The following IYD variants were observed in gnomAD, a reference collection of about 807,000 sequenced individuals.
The protein encoded by IYD is iodotyrosine deiodinase.
In IYD, 25 loss-of-function variants were observed where a neutral mutation model predicts 28.4. The observed-to-expected ratio is 0.88, with a 90% CI of 0.64 to 1.23. IYD has a LOEUF of 1.23. Among genes scored for constraint, IYD ranks in the 50% most tolerant of loss-of-function variants. IYD has a pLI of 0.00. For missense variants in IYD, 352 were observed against 357.9 expected (o/e 0.98, Z 0.13); for synonymous variants, 140 against 130.8 (o/e 1.07, Z -0.48).
chr6:150,393,989 T>C, intron 3 of IYD, 110 bp from the exon 4 acceptor site: 1 of 1,117,080 alleles, frequency 9.0e-7, no homozygotes, highest in Non-Finnish European at 1.3e-6. Context: ...TCAATTTAAA[T>C]ATAAAAGATG....
intron 1 of IYD, among the ~76,000 whole-genome samples, chr6:150,380,802 AG>A (rs1328585691): frequency 6.6e-6 from 1 of 152,158 alleles, no homozygotes; most frequent in East Asian, 1.9e-4. Context: ...ACAGCATGTT[AG>A]CATTTGGGGC....
intron 4 of IYD, among the ~76,000 whole-genome samples, chr6:150,395,137 C>T (rs1194672906): frequency 2.0e-5 from 3 of 152,154 alleles, no homozygotes; most frequent in East Asian, 1.9e-4. Context: ...GCTCCTTCTA[C>T]GTGGCAGTTC....
At chr6:150,394,000 A>G in intron 3 of IYD, 99 bp from the exon 4 acceptor site, 10 of 1,191,202 alleles carry the variant, frequency 8.4e-6, no homozygotes, top group Non-Finnish European at 1.2e-5. Context: ...ATAAAAGATG[A>G]GTAAATATGT....
intron 1 of IYD, among the ~76,000 whole-genome samples, chr6:150,388,923 A>G (rs1436447304): frequency 6.6e-5 from 10 of 152,060 alleles, no homozygotes; most frequent in Non-Finnish European, 1.2e-4. Flanking sequence ...GCTGGTCTCG[A>G]ACTCCCAACC....
intron 1 of IYD, among the ~76,000 whole-genome samples, chr6:150,374,434 C>T (rs1445561934): frequency 6.6e-6 from 1 of 152,108 alleles, no homozygotes; most frequent in Admixed American, 6.5e-5. Context: ...ACCTGAGACT[C>T]AGTAATTTAT....
intron 1 of IYD, among the ~76,000 whole-genome samples, chr6:150,374,354 C>T (rs144552692): frequency 6.4e-4 from 97 of 152,232 alleles, no homozygotes; most frequent in African/African-American, 2.3e-3. Flanking sequence ...TATGGTCTAA[C>T]GTGGTCTAAT....
intron 1 of IYD, among the ~76,000 whole-genome samples, chr6:150,381,983 C>A (rs117754877): frequency 6.6e-6 from 1 of 152,152 alleles, no homozygotes; most frequent in African/African-American, 2.4e-5. Flanking sequence ...ATTTTTCTGG[C>A]GTGTGCAAGC....
chr6:150,369,030 C>T lies in IYD; in HGVS notation c.-2C>T, dbSNP rs1777122828. On this transcript the variant is annotated 5_prime_UTR_variant, in exon 1 of 5. Transcript: ENST00000344419. ...CACGCCTGTGACGTCAGACTCCAGA[C>T]CATGTATTTCCTGACTCCCATCTTG... 6.2e-7 allele frequency: 1 copy of T among 1,613,916 alleles called. No homozygotes were observed. Among genetic ancestry groups the T allele is most frequent in the Non-Finnish European group, 8.5e-7 (1 of 1,179,932 alleles).
chr6:150,377,586 G>A (rs1777496848), intron 1 of IYD, among the ~76,000 whole-genome samples: 1 of 152,202 alleles, frequency 6.6e-6, no homozygotes, highest in East Asian at 1.9e-4. Context: ...CACTGATAAT[G>A]AGGTAACAGT....
intron 1 of IYD, among the ~76,000 whole-genome samples, chr6:150,371,312 A>G (rs899104817): frequency 1.3e-5 from 2 of 152,252 alleles, no homozygotes; most frequent in African/African-American, 4.8e-5. Context: ...TGAGGCCCCA[A>G]TAGGGTAAGC....
rs577071632 is a variant in IYD, at chr6:150,401,493, C to T, written c.*3256C>T. 1 of 152,292 alleles carries T rather than the reference C, an allele frequency of 6.6e-6. No homozygotes were observed. Among genetic ancestry groups the T allele is most frequent in the Non-Finnish European group, 1.5e-5 (1 of 68,124 alleles). The allele number at this position is 152,292 out of a possible 1,614,324, so 9.4% of individuals were successfully genotyped here. A position where few individuals can be genotyped will look rare whatever the true frequency, so the allele number is the denominator to read the frequency against. ...GGACCAGAAACACCAGACACTTCTT[C>T]TGCCCCAAGCACACCCCACACTAAT... On this transcript the variant is annotated 3_prime_UTR_variant, in exon 5 of 5. Coordinates refer to ENST00000344419, the MANE Select transcript of IYD (RefSeq NM_203395.3).
At chr6:150,390,336 TTATCTG>T (rs1271492807) in intron 2 of IYD, among the ~76,000 whole-genome samples, 1 of 152,260 alleles carries the variant, frequency 6.6e-6, no homozygotes, top group Non-Finnish European at 1.5e-5. Flanking sequence ...AATTTAGCCT[TTATCTG>T]TATCTGTATT....
At position 150,404,093 on chromosome 6, in the gene IYD, T is replaced by A. The variant is rs1778583152; in HGVS notation, c.*5856T>A. On this transcript the variant is annotated 3_prime_UTR_variant, in exon 5 of 5. Coordinates refer to ENST00000344419, the MANE Select transcript of IYD (RefSeq NM_203395.3). Reference sequence around the variant, plus strand: ...GTCTCCCAGCGCTGGAGTACTGTCTTATGACCAGAGATCCTAAGCAACCTC... The same window carrying A: ...GTCTCCCAGCGCTGGAGTACTGTCTAATGACCAGAGATCCTAAGCAACCTC... 6.6e-6 allele frequency: 1 copy of A among 152,226 alleles called. No homozygotes were observed. Among genetic ancestry groups the A allele is most frequent in the Admixed American group, 6.5e-5 (1 of 15,282 alleles). The allele number at this position is 152,226 out of a possible 1,614,324, so 9.4% of individuals were successfully genotyped here.
At chr6:150,371,653 G>A (rs1777245757) in intron 1 of IYD, among the ~76,000 whole-genome samples, 1 of 152,278 alleles carries the variant, frequency 6.6e-6, no homozygotes, top group Non-Finnish European at 1.5e-5. Context: ...TTCATTCTCT[G>A]TTCCCTGCCA....
rs530206053 is a variant in IYD, at chr6:150,401,742, C to T, written c.*3505C>T. 4.8e-4 allele frequency: 73 copies of T among 152,118 alleles called. No homozygotes were observed. Among genetic ancestry groups the T allele is most frequent in the Middle Eastern group, 3.4e-3 (1 of 296 alleles). 9.4% of individuals were successfully genotyped at this position (152,118 alleles called of 1,614,324 possible). A position where few individuals can be genotyped will look rare whatever the true frequency, so the allele number is the denominator to read the frequency against. On this transcript the variant is annotated 3_prime_UTR_variant, in exon 5 of 5. Coordinates refer to ENST00000344419, the MANE Select transcript of IYD (RefSeq NM_203395.3). Reference sequence around the variant, plus strand: ...CTCTTGCTGTTCTGAGGCCTTAAAACCAAAAAAATAATGGAATGATTGCAT... The same window carrying T: ...CTCTTGCTGTTCTGAGGCCTTAAAATCAAAAAAATAATGGAATGATTGCAT...
rs915301572 is a variant in IYD, at chr6:150,400,657, G to C, written c.*2420G>C. 6 of 152,218 alleles carry C rather than the reference G, an allele frequency of 3.9e-5. No individual in the cohort carries two copies. The highest frequency in any genetic ancestry group is 1.4e-4 in the African/African-American group (6 of 41,452). The allele number at this position is 152,218 out of a possible 1,614,324, so 9.4% of individuals were successfully genotyped here. ...GGAAGAATAAGAGGGGGACTGTCTT[G>C]TCCTTGCTACTCAAAGAGTGGTCCT... On this transcript the variant is annotated 3_prime_UTR_variant, in exon 5 of 5. Transcript: ENST00000344419.
rs915058875 is a variant in IYD at position 150,400,888 on chromosome 6, G to A, written c.*2651G>A. 2.0e-5 allele frequency: 3 copies of A among 152,196 alleles called. No homozygotes were observed. The highest frequency in any genetic ancestry group is 4.4e-5 in the Non-Finnish European group (3 of 68,042). The allele number at this position is 152,196 out of a possible 1,614,324, so 9.4% of individuals were successfully genotyped here. Reference sequence around the variant, plus strand: ...AAGCCTTGATTGGATTTTGGTTTAGGAAAAATCTCATAGGTATAAAAGACA... The same window carrying A: ...AAGCCTTGATTGGATTTTGGTTTAGAAAAAATCTCATAGGTATAAAAGACA... On this transcript the variant is annotated 3_prime_UTR_variant, in exon 5 of 5. Coordinates refer to ENST00000344419, the MANE Select transcript of IYD (RefSeq NM_203395.3).
rs1184937750 is a variant in IYD, at chr6:150,400,981, A to G, written c.*2744A>G. 1 of 152,226 alleles carries G rather than the reference A, an allele frequency of 6.6e-6. No homozygotes were observed. The highest frequency in any genetic ancestry group is 6.5e-5 in the Admixed American group (1 of 15,290). 9.4% of individuals were successfully genotyped at this position (152,226 alleles called of 1,614,324 possible). A position where few individuals can be genotyped will look rare whatever the true frequency, so the allele number is the denominator to read the frequency against. On this transcript the variant is annotated 3_prime_UTR_variant, in exon 5 of 5. Transcript: ENST00000344419. ...TAGTGATGTGAGTGATGCCTGCTGA[A>G]GTACTGAGAGATGAAGCATCATATT...
At chr6:150,382,826 C>G (rs561475336) in intron 1 of IYD, among the ~76,000 whole-genome samples, 1 of 152,232 alleles carries the variant, frequency 6.6e-6, no homozygotes, top group African/African-American at 2.4e-5. Flanking sequence ...AATTTGCTGT[C>G]ACTTTTTTCT....
Sources: gnomAD v4.1 joint callset for allele counts (sites outside exome capture counted in the v4.1 genomes callset) on GRCh38, gnomAD v4.1.1 for gene constraint, MANE v1.5 for transcripts, NCBI Gene and HGNC (gene_info 2026-07-23, HGNC 2026-07-21) for gene names.